Variants in SIK2 observed in about 807,000 individuals in gnomAD.
SIK2 encodes the protein salt inducible kinase 2.
Under a neutral mutation model 103.2 loss-of-function variants are expected in SIK2, and 29 were observed. The observed-to-expected ratio is 0.28, with a 90% CI of 0.21 to 0.38. The LOEUF (loss-of-function observed/expected upper bound fraction) is 0.38. Among genes scored for constraint, SIK2 ranks in the 10% least tolerant of loss-of-function variants. SIK2 has a pLI of 1.00. For missense variants in SIK2, 879 were observed against 1,171.0 expected, an observed-to-expected ratio of 0.75 and a Z score of 3.64; for synonymous variants, 412 against 446.1, an observed-to-expected ratio of 0.92 and a Z score of 0.96.
intron 3 of SIK2, among the ~76,000 whole-genome samples, chr11:111,682,836 C>T (rs1391936631): frequency 6.6e-6 from 1 of 152,150 alleles, no homozygotes; most frequent in Non-Finnish European, 1.5e-5. Flanking sequence ...TTTACCTTGC[C>T]TGTGCTAGTA....
At chr11:111,643,476 A>G (rs371204878) in intron 3 of SIK2, among the ~76,000 whole-genome samples, 1 of 152,026 alleles carries the variant, frequency 6.6e-6, no homozygotes, top group African/African-American at 2.4e-5. Context: ...AAAAAAAAAA[A>G]GTTAATTATA....
In SIK2 at chr11:111,602,806, C is replaced by A. The variant is rs989940848; in HGVS notation, c.135+108C>A. The A allele has an allele frequency of 4.4e-6, 6 of 1,373,958 alleles. No homozygotes were observed. The African/African-American group carries it at 6.1e-5, about 14-fold the overall frequency. The allele number at this position is 1,373,958 out of a possible 1,614,324, so 85.1% of individuals were successfully genotyped here. A position where few individuals can be genotyped will look rare whatever the true frequency, so the allele number is the denominator to read the frequency against. On this transcript the variant is annotated intron_variant, in intron 1 of 14. Coordinates refer to ENST00000304987, the MANE Select transcript of SIK2 (RefSeq NM_015191.3). The surrounding 1 kb of genome is among the most constrained non-coding windows in gnomAD (Gnocchi z 4.5). ...GGGACCGGGGAGACCCGAGAGGCCG[C>A]CTCACTGGCGGAGGCGAGCGGGCCT...
chr11:111,723,630 C>A lies in SIK2; in HGVS notation c.2282C>A (p.Pro761His). The A allele has an allele frequency of 6.2e-7, 1 of 1,613,772 alleles. No individual in the cohort carries two copies. The highest frequency in any genetic ancestry group is 8.5e-7 in the Non-Finnish European group (1 of 1,179,952). ...CTTCCCCGCCAGGAGACTCCACCGC[C>A]TTCTCAGCAGGCCCCACCGTTCAGC... ...LPLPRQETPP[P>H]SQQAPPFSLT... is the part of the protein sequence containing the mutation. Residue 761 changes from proline to histidine, a missense_variant, in exon 15 of 15, where the codon CCT becomes CAT. Pro to His is a moderately conservative substitution (Grantham distance 77). This residue lies in a region of SIK2 where 375 missense variants were observed against 416.3 expected (regional missense o/e 0.90). Transcript: ENST00000304987.
intron 3 of SIK2, among the ~76,000 whole-genome samples, chr11:111,651,892 G>A (rs545632870): frequency 2.0e-5 from 3 of 152,184 alleles, no homozygotes; most frequent in Admixed American, 2.0e-4. Context: ...CTTTTTTCTT[G>A]GTGAGCTGAT....
rs1307766790 is a variant in SIK2, at chr11:111,701,733, A to G, written c.727+158A>G. On this transcript the variant is annotated intron_variant, in intron 6 of 14. Transcript: ENST00000304987. This position sits in a 1 kb window ranked among gnomAD's most constrained non-coding sequence, Gnocchi z 4.2. Reference sequence around the variant, plus strand: ...TAGAAAGAAGCAACCTCCTTTATGTAGGCGAGACAGGTTCCAGCCTTCTAC... The same window carrying G: ...TAGAAAGAAGCAACCTCCTTTATGTGGGCGAGACAGGTTCCAGCCTTCTAC... Among the ~76,000 whole-genome samples the G allele has an allele frequency of 6.6e-6, 1 of 152,192 alleles. No individual in the cohort carries two copies. Among genetic ancestry groups the G allele is most frequent in the Non-Finnish European group, 1.5e-5 (1 of 68,026 alleles).
intron 3 of SIK2, among the ~76,000 whole-genome samples, chr11:111,661,531 C>A (rs913251445): frequency 2.0e-5 from 3 of 152,208 alleles, no homozygotes. Flanking sequence ...GTCACAAATA[C>A]CATAGTGGAA....
At chr11:111,719,356 C>T (rs976401482) in intron 9 of SIK2, among the ~76,000 whole-genome samples, 1 of 118,850 alleles carries the variant, frequency 8.4e-6, no homozygotes, top group African/African-American at 3.2e-5. Flanking sequence ...GTGACTACCC[C>T]TTTTTTTTTT....
chr11:111,603,909 C>G (rs1941616139), intron 1 of SIK2, among the ~76,000 whole-genome samples: 1 of 152,210 alleles, frequency 6.6e-6, no homozygotes, highest in Non-Finnish European at 1.5e-5. Context: ...AGGGCACTTG[C>G]AAACGTGAGT....
intron 3 of SIK2, among the ~76,000 whole-genome samples, chr11:111,676,349 C>T (rs763606332): frequency 2.6e-5 from 4 of 152,148 alleles, no homozygotes; most frequent in African/African-American, 4.8e-5. Flanking sequence ...TGCTTCCCAC[C>T]GCAGCTGAAC....
chr11:111,661,809 G>A (rs1032219417), intron 3 of SIK2, among the ~76,000 whole-genome samples: 21 of 152,206 alleles, frequency 1.4e-4, no homozygotes, highest in African/African-American at 3.9e-4. Flanking sequence ...TAAAACCATC[G>A]GATCTCGTGA....
intron 3 of SIK2, among the ~76,000 whole-genome samples, chr11:111,640,660 A>G (rs1207341616): frequency 1.3e-5 from 2 of 149,500 alleles, no homozygotes; most frequent in African/African-American, 2.4e-5. Context: ...ATGCTATACT[A>G]TGCTATAAGT....
intron 3 of SIK2, 52 bp from the exon 4 acceptor site, chr11:111,687,949 G>A: frequency 6.3e-7 from 1 of 1,594,152 alleles, no homozygotes; most frequent in Non-Finnish European, 8.5e-7. Context: ...ACTACTAATA[G>A]TGGAGTTATT....
At chr11:111,656,754 A>G (rs1344713465) in intron 3 of SIK2, among the ~76,000 whole-genome samples, 2 of 152,162 alleles carry the variant, frequency 1.3e-5, no homozygotes, top group Non-Finnish European at 2.9e-5. Context: ...TGGAATTCTT[A>G]CCTGAGTTAC....
chr11:111,663,159 G>A (rs780140925), intron 3 of SIK2, among the ~76,000 whole-genome samples: 5 of 151,600 alleles, frequency 3.3e-5, no homozygotes, highest in East Asian at 1.9e-4. Flanking sequence ...ACCTGAGTCC[G>A]GTAGTCTAGG....
chr11:111,639,061 G>A (rs1942147586), intron 3 of SIK2, among the ~76,000 whole-genome samples: 2 of 152,090 alleles, frequency 1.3e-5, no homozygotes, highest in South Asian at 2.1e-4. Context: ...GCTAGTTGTG[G>A]TCCTTCTAAG....
chr11:111,695,500 G>A (rs1943050458), intron 4 of SIK2, among the ~76,000 whole-genome samples: 1 of 152,186 alleles, frequency 6.6e-6, no homozygotes, highest in Non-Finnish European at 1.5e-5. Flanking sequence ...TATTTAGCAA[G>A]TGTAATCTTT....
Position 111,712,342 on chromosome 11 carries a change from A to G in SIK2, c.1233A>G (p.Ala411=), listed in dbSNP as rs1943522909. Residue 411 remains alanine (A), a synonymous_variant, in exon 9 of 15, where the codon GCA becomes GCG. Coordinates refer to ENST00000304987, the MANE Select transcript of SIK2 (RefSeq NM_015191.3). ...CATCTGGCTGTCAGGCGGAAGCTGC[A>G]TTCATGGAAGAAGAGTGTGTGGACA... The part of the protein sequence containing the change: ...FPASGCQAEA[A]FMEEECVDTP... 1.2e-6 allele frequency: 2 copies of G among 1,614,196 alleles called. No individual in the cohort carries two copies. The highest frequency in any genetic ancestry group is 1.7e-6 in the Non-Finnish European group (2 of 1,180,030).
chr11:111,637,113 C>CT (rs1309118926), intron 3 of SIK2, among the ~76,000 whole-genome samples: 5 of 151,658 alleles, frequency 3.3e-5, no homozygotes, highest in Non-Finnish European at 4.4e-5. Flanking sequence ...TTCTAATTTT[C>CT]TTTTTTTTCT....
chr11:111,664,081 C>T lies in SIK2; in HGVS notation c.317-23920C>T, dbSNP rs571494317. Among the ~76,000 whole-genome samples the T allele has an allele frequency of 2.0e-5, 3 of 152,362 alleles. No individual in the cohort carries two copies. The East Asian group carries it at 5.8e-4, about 29-fold the overall frequency. On this transcript the variant is annotated intron_variant, in intron 3 of 14. Coordinates refer to ENST00000304987, the MANE Select transcript of SIK2 (RefSeq NM_015191.3). ...AGCACATAATGCCTCTGCCTTCCAC[C>T]TTCCAGCCAGTAAGTGCAAAATTCC...
Sources: allele counts gnomAD v4.1 joint callset (sites outside exome capture counted in the v4.1 genomes callset), GRCh38; gene constraint gnomAD v4.1.1; regional missense constraint gnomAD v4.1.1; non-coding constraint Gnocchi (gnomAD v3.1); transcripts MANE v1.5; gene names NCBI Gene and HGNC (gene_info 2026-07-23, HGNC 2026-07-21).